The following LPGAT1 variants were observed in gnomAD, a reference collection of about 807,000 sequenced individuals.
LPGAT1 encodes acyl-CoA:lysophosphatidylglycerol acyltransferase 1.
In LPGAT1, 11 loss-of-function variants were observed where a neutral mutation model predicts 47.5. The observed-to-expected ratio is 0.23, with a 90% confidence interval of 0.15 to 0.38. LPGAT1 has a LOEUF of 0.38. LPGAT1 is among the 10% of genes least tolerant of loss of function. LPGAT1 has a pLI of 1.00. For synonymous variants in LPGAT1, 138 were observed against 144.2 expected (o/e 0.96, Z 0.31); for missense variants, 293 against 439.0 (o/e 0.67, Z 2.97).
Position 211,791,427 on chromosome 1 carries a change from C to T in LPGAT1, c.357+1645G>A, listed in dbSNP as rs558914462. On this transcript the variant is annotated intron_variant, in intron 3 of 7. Coordinates refer to ENST00000366997, the MANE Select transcript of LPGAT1 (RefSeq NM_014873.3). ...CTATGTCCATGAGGTACACAGTGCA[C>T]TTACCCTCCACTGAAGCCATCTCAC... Among the ~76,000 whole-genome samples the T allele has an allele frequency of 3.6e-4, 54 of 152,080 alleles. 1 individual carries two copies. The South Asian group carries it at 0.011, about 32-fold the overall frequency.
chr1:211,750,894 C>T, intron 7 of LPGAT1, 67 bp downstream of exon 7: 1 of 1,198,132 alleles, frequency 8.3e-7, no homozygotes, highest in Non-Finnish European at 1.2e-6. Flanking sequence ...ATGCAAACAG[C>T]TTTCTTTAAA....
At chr1:211,763,469 A>C (rs1657786883) in intron 6 of LPGAT1, among the ~76,000 whole-genome samples, 1 of 152,218 alleles carries the variant, frequency 6.6e-6, no homozygotes, top group Non-Finnish European at 1.5e-5. Context: ...ACCTGATCCC[A>C]AGATCAGCCT....
chr1:211,825,192 T>C (rs1660507954), intron 2 of LPGAT1, among the ~76,000 whole-genome samples: 1 of 109,914 alleles, frequency 9.1e-6, no homozygotes, highest in African/African-American at 3.0e-5. Context: ...AGTCTTCTTT[T>C]TTTTTTTTTT....
chr1:211,789,924 CA>C (rs1481115143), intron 3 of LPGAT1, among the ~76,000 whole-genome samples: 1 of 150,742 alleles, frequency 6.6e-6, no homozygotes, highest in Non-Finnish European at 1.5e-5. Context: ...TCCTTTGTTT[CA>C]TATTCTTCAA....
At chr1:211,827,521 T>C (rs1157911490) in intron 2 of LPGAT1, among the ~76,000 whole-genome samples, 1 of 152,236 alleles carries the variant, frequency 6.6e-6, no homozygotes, top group Non-Finnish European at 1.5e-5. Flanking sequence ...TTAAGCAGAA[T>C]GAACTTCTAG....
At chr1:211,817,890 A>C (rs1320503266) in intron 2 of LPGAT1, among the ~76,000 whole-genome samples, 4 of 152,086 alleles carry the variant, frequency 2.6e-5, no homozygotes, top group Non-Finnish European at 5.9e-5. Context: ...GCTGGAGTGC[A>C]GTGGTGCGAT....
chr1:211,779,622 G>A (rs188687470), intron 5 of LPGAT1, among the ~76,000 whole-genome samples: 2 of 152,208 alleles, frequency 1.3e-5, no homozygotes, highest in East Asian at 3.9e-4. Context: ...AGGCAGAGGT[G>A]GGCGGATCAC....
chr1:211,806,259 CAAAAA>C (rs141014104), intron 2 of LPGAT1, among the ~76,000 whole-genome samples: 6 of 88,206 alleles, frequency 6.8e-5, no homozygotes, highest in African/African-American at 2.2e-4. Context: ...GGGTCTGTCT[CAAAAA>C]AAAAAAAAAA....
At chr1:211,771,109 A>AG in intron 6 of LPGAT1, among the ~76,000 whole-genome samples, 1 of 152,130 alleles carries the variant, frequency 6.6e-6, no homozygotes, top group East Asian at 1.9e-4. Context: ...AAAAAAAAAA[A>AG]AAAAACAACT....
At chr1:211,829,509 C>T (rs900043828) in intron 1 of LPGAT1, 186 bp from the exon 2 acceptor site, 2 of 1,426,920 alleles carry the variant, frequency 1.4e-6, no homozygotes, top group Non-Finnish European at 1.8e-6. Context: ...GGAGGAGCCG[C>T]ACAAGGTCAA....
At chr1:211,820,003 A>T (rs1660313146) in intron 2 of LPGAT1, among the ~76,000 whole-genome samples, 1 of 151,824 alleles carries the variant, frequency 6.6e-6, no homozygotes. Flanking sequence ...AAAGGCAGGC[A>T]GGGGGGTGGT....
chr1:211,828,793 AG>A (rs1406046649), intron 2 of LPGAT1, among the ~76,000 whole-genome samples: 1 of 152,210 alleles, frequency 6.6e-6, no homozygotes, highest in Non-Finnish European at 1.5e-5. Flanking sequence ...CCTCTACCAG[AG>A]CTTTTGCAGA....
In LPGAT1 at chr1:211,750,031, C is replaced by T. The variant is rs1289041847; in HGVS notation, c.981G>A (p.Lys327=). 1.2e-6 allele frequency: 2 copies of T among 1,613,284 alleles called. No individual in the cohort carries two copies. Among genetic ancestry groups the T allele is most frequent in the South Asian group, 2.2e-5 (2 of 90,976 alleles). The change falls in exon 8 of 8, where the codon AAG becomes AAA. Residue 327 remains lysine, a synonymous_variant. Coordinates refer to ENST00000366997, the MANE Select transcript of LPGAT1 (RefSeq NM_014873.3). The part of the protein sequence containing the change: ...FYETGAFPPS[K]GHKEAVSREM... ...CCCTGGAAACAGCTTCCTTATGGCC[C>T]TTGGAAGGTGGAAAAGCTCCTAAAA...
At chr1:211,751,157 A>C (rs1657162428) in intron 6 of LPGAT1, 90 bp from the exon 7 acceptor site, 2 of 833,692 alleles carry the variant, frequency 2.4e-6, no homozygotes, top group Admixed American at 2.7e-5. Context: ...AAGCTGAATA[A>C]AATTGTGTTG....
At chr1:211,769,403 A>T (rs1443641707) in intron 6 of LPGAT1, among the ~76,000 whole-genome samples, 1 of 152,132 alleles carries the variant, frequency 6.6e-6, no homozygotes, top group Non-Finnish European at 1.5e-5. Context: ...GCTATGAAGG[A>T]GTATATATTT....
chr1:211,783,186 C>T (rs1233187982), intron 5 of LPGAT1, 43 bp downstream of exon 5: 16 of 1,516,360 alleles, frequency 1.1e-5, no homozygotes, highest in Non-Finnish European at 1.4e-5. Flanking sequence ...TCCAGAAAAT[C>T]CTTTAACTCC....
At chr1:211,816,542 A>G (rs1420729003) in intron 2 of LPGAT1, among the ~76,000 whole-genome samples, 1 of 152,204 alleles carries the variant, frequency 6.6e-6, no homozygotes, top group Non-Finnish European at 1.5e-5. Flanking sequence ...ATTGAGCTAC[A>G]CTACTAGCTA....
chr1:211,769,497 C>T (rs189394563), intron 6 of LPGAT1, among the ~76,000 whole-genome samples: 117 of 151,932 alleles, frequency 7.7e-4, no homozygotes, highest in African/African-American at 2.7e-3. Context: ...TTTTGGATCT[C>T]GGGCAAGAAT....
chr1:211,821,654 C>T (rs116685211), intron 2 of LPGAT1, among the ~76,000 whole-genome samples: 190 of 152,062 alleles, frequency 1.2e-3, no homozygotes, highest in Non-Finnish European at 2.1e-3. Flanking sequence ...CAGATGTATA[C>T]GCTATTTTAA....
Sources: allele counts gnomAD v4.1 joint callset (sites outside exome capture counted in the v4.1 genomes callset), GRCh38; gene constraint gnomAD v4.1.1; transcripts MANE v1.5; gene names NCBI Gene and HGNC (gene_info 2026-07-23, HGNC 2026-07-21).